The following SDK1 variants were observed in gnomAD, a reference collection of about 807,000 sequenced individuals.
The protein encoded by SDK1 is protein sidekick-1.
Under a neutral mutation model 245.5 loss-of-function variants are expected in SDK1, and 157 were observed. That is an observed-to-expected ratio of 0.64 (90% CI 0.56 to 0.73). The LOEUF is 0.73. Among genes scored for constraint, SDK1 ranks in the 30% least tolerant of loss-of-function variants. SDK1 has a pLI of 0.00. For missense variants in SDK1, 3,583 were observed against 3,002.3 expected, an observed-to-expected ratio of 1.19 and a Z score of -4.52; for synonymous variants, 1,647 against 1,278.5, an observed-to-expected ratio of 1.29 and a Z score of -6.15.
chr7:3,484,327 T>C (rs989053966), intron 1 of SDK1, among the ~76,000 whole-genome samples: 3 of 152,136 alleles, frequency 2.0e-5, no homozygotes, highest in Non-Finnish European at 4.4e-5. Context: ...AAAATACATA[T>C]TCACTGGATG....
chr7:4,103,389 A>T (rs1782699990), intron 22 of SDK1, among the ~76,000 whole-genome samples: 1 of 152,210 alleles, frequency 6.6e-6, no homozygotes, highest in Admixed American at 6.5e-5. Flanking sequence ...TTGCTTCTAG[A>T]ACATTCTTTC....
intron 1 of SDK1, among the ~76,000 whole-genome samples, chr7:3,584,151 C>G (rs568690794): frequency 6.6e-6 from 1 of 152,102 alleles, no homozygotes; most frequent in Admixed American, 6.5e-5. Flanking sequence ...AGATTCTGTG[C>G]TTATATGAAT....
intron 5 of SDK1, among the ~76,000 whole-genome samples, chr7:3,866,649 C>G (rs1780828337): frequency 6.6e-6 from 1 of 152,136 alleles, no homozygotes; most frequent in Non-Finnish European, 1.5e-5. Context: ...TGCCCCTGCC[C>G]ATAATCCATG....
chr7:4,147,674 G>A (rs190682945), intron 29 of SDK1, among the ~76,000 whole-genome samples: 2 of 152,118 alleles, frequency 1.3e-5, no homozygotes, highest in African/African-American at 2.4e-5. Context: ...ACAGACACCC[G>A]AGGTGCTTCT....
chr7:3,384,858 C>A (rs1781571922), intron 1 of SDK1, among the ~76,000 whole-genome samples: 1 of 152,110 alleles, frequency 6.6e-6, no homozygotes, highest in South Asian at 2.1e-4. Flanking sequence ...TACTGCAGTA[C>A]CCGTAGTATA....
chr7:3,446,432 A>G (rs1780343248), intron 1 of SDK1, among the ~76,000 whole-genome samples: 1 of 152,146 alleles, frequency 6.6e-6, no homozygotes, highest in African/African-American at 2.4e-5. Flanking sequence ...TATAGTTGAT[A>G]AGTTTTCTAC....
At chr7:4,175,719 T>A in intron 33 of SDK1, 56 bp from the exon 34 acceptor site, 4 of 1,424,492 alleles carry the variant, frequency 2.8e-6, no homozygotes, top group African/African-American at 1.4e-5. Context: ...GCACATCACC[T>A]GCGATGGCCG....
chr7:3,689,712 G>GA (rs1409086391), intron 4 of SDK1, among the ~76,000 whole-genome samples: 1 of 152,152 alleles, frequency 6.6e-6, no homozygotes, highest in Non-Finnish European at 1.5e-5. Context: ...TAGGTTAGAT[G>GA]AAAAATATAA....
Position 4,139,671 on chromosome 7 carries a change from GTGTA to G in SDK1, c.4229-6049_4229-6046del, listed in dbSNP as rs1428980973. 4.8e-3 allele frequency among the ~76,000 whole-genome samples: 182 copies of G among 37,710 alleles called. 17 individuals are homozygous for G. The highest frequency in any genetic ancestry group is 0.031 in the East Asian group (32 of 1,036). 24.7% of individuals were successfully genotyped at this position (37,710 alleles called of 152,430 possible). On this transcript the variant is annotated intron_variant, in intron 28 of 44. Transcript: ENST00000404826. ...TATATGTGTGTGTGTATATGTGTGT[GTGTA>G]TATGTGTGTGTGTGTATGTGTGTGT...
rs144675728 is a variant in SDK1, at chr7:3,967,105, C to T, written c.1430-213C>T. Among the ~76,000 whole-genome samples, 10 of 152,280 alleles carry T rather than the reference C, an allele frequency of 6.6e-5. No individual in the cohort carries two copies. In the East Asian group the frequency reaches 1.3e-3, roughly 21 times the overall value. The stretch of plus-strand genomic sequence containing the variant: ...CACTTGTGTATCTATTACATCGTGA[C>T]GCTGTATTTTCTCTCCAGGTTGTAA... On this transcript the variant is annotated intron_variant, in intron 9 of 44. Coordinates refer to ENST00000404826, the MANE Select transcript of SDK1 (RefSeq NM_152744.4).
At chr7:3,977,503 A>G (rs931989345) in intron 13 of SDK1, among the ~76,000 whole-genome samples, 25 of 152,230 alleles carry the variant, frequency 1.6e-4, no homozygotes, top group African/African-American at 5.8e-4. Context: ...ATTGGAGCCT[A>G]CGACCCTGGG....
intron 22 of SDK1, among the ~76,000 whole-genome samples, chr7:4,089,014 G>T (rs993445556): frequency 2.0e-5 from 3 of 150,222 alleles, no homozygotes; most frequent in African/African-American, 7.3e-5. Flanking sequence ...ACCCTTGTGG[G>T]CATCTGCACA....
rs377144133 is a variant in SDK1 at position 4,221,196 on chromosome 7, G to A, written c.5702-43G>A. 5.7e-5 allele frequency: 91 copies of A among 1,607,116 alleles called. 1 individual carries two copies. In the African/African-American group the frequency reaches 6.1e-4, roughly 11 times the overall value. ...TCTCACGGGGTGGGATGTGAGCCCC[G>A]CAGGGCTGATGCCTCACCTCTCTTT... On this transcript the variant is annotated intron_variant, in intron 39 of 44. Coordinates refer to ENST00000404826, the MANE Select transcript of SDK1 (RefSeq NM_152744.4).
intron 4 of SDK1, among the ~76,000 whole-genome samples, chr7:3,698,993 T>G (rs1784664155): frequency 6.6e-6 from 1 of 152,088 alleles, no homozygotes; most frequent in Non-Finnish European, 1.5e-5. Context: ...CGCTGGAGCT[T>G]TCACCCAAAC....
chr7:4,022,710 C>T (rs1193705380), intron 17 of SDK1, among the ~76,000 whole-genome samples: 2 of 152,022 alleles, frequency 1.3e-5, no homozygotes, highest in African/African-American at 4.8e-5. Context: ...ATGTAGTGAG[C>T]ACAGTGCGAT....
At position 3,738,146 on chromosome 7, in the gene SDK1, C is replaced by G. The variant is rs140471059; in HGVS notation, c.714-83304C>G. Among the ~76,000 whole-genome samples the G allele has an allele frequency of 1.2e-4, 18 of 152,308 alleles. No homozygotes were observed. The East Asian group carries it at 2.7e-3, about 23-fold the overall frequency. Reference sequence around the variant, plus strand: ...CTAAATCCAACATCGTGAATCTTCTCTCTTATGTTTTATTGTAAGTGCTTT... The same window carrying G: ...CTAAATCCAACATCGTGAATCTTCTGTCTTATGTTTTATTGTAAGTGCTTT... On this transcript the variant is annotated intron_variant, in intron 4 of 44. Coordinates refer to ENST00000404826, the MANE Select transcript of SDK1 (RefSeq NM_152744.4).
chr7:3,364,777 A>T (rs905744880), intron 1 of SDK1, among the ~76,000 whole-genome samples: 12 of 152,078 alleles, frequency 7.9e-5, no homozygotes, highest in Non-Finnish European at 1.6e-4. Context: ...GTCTTTTCAG[A>T]TAAATTTTAG....
intron 1 of SDK1, among the ~76,000 whole-genome samples, chr7:3,589,797 C>T (rs1232432427): frequency 6.6e-6 from 1 of 152,182 alleles, no homozygotes; most frequent in African/African-American, 2.4e-5. Flanking sequence ...ATTATGGGAG[C>T]TGCAATTCAA....
intron 1 of SDK1, among the ~76,000 whole-genome samples, chr7:3,384,103 T>C (rs1781553684): frequency 1.3e-5 from 2 of 152,204 alleles, no homozygotes; most frequent in South Asian, 2.1e-4. Context: ...TGGGCAGTTA[T>C]CACTGTATTT....
Sources: allele counts gnomAD v4.1 joint callset (sites outside exome capture counted in the v4.1 genomes callset), GRCh38; gene constraint gnomAD v4.1.1; transcripts MANE v1.5; gene names NCBI Gene and HGNC (gene_info 2026-07-23, HGNC 2026-07-21).